Variants in NCAPH observed in about 807,000 individuals in gnomAD.
NCAPH encodes the protein condensin complex subunit 2.
A neutral mutation model predicts 85.5 loss-of-function variants in NCAPH; 38 were observed. The ratio of observed to expected loss-of-function variants is 0.44; its 90% CI spans 0.34 to 0.58. The LOEUF (loss-of-function observed/expected upper bound fraction) is 0.58, where lower values mean the gene tolerates loss of function less well. Among genes scored for constraint, NCAPH ranks in the 20% least tolerant of loss-of-function variants. The pLI is 0.01. For missense variants in NCAPH, 789 were observed against 916.6 expected (o/e 0.86, Z 1.80); for synonymous variants, 301 against 335.1 (o/e 0.90, Z 1.11).
rs577113925 is a variant in NCAPH at position 96,373,563 on chromosome 2, C to T, written c.*212C>T. ...GTGCTCAACTGATTAAACTTTACTG[C>T]CCTATGGTGACCATCTAGGAGAGGG... On this transcript the variant is annotated 3_prime_UTR_variant, in exon 18 of 18. Coordinates refer to ENST00000240423, the MANE Select transcript of NCAPH (RefSeq NM_015341.5). The T allele has an allele frequency of 2.0e-5, 10 of 510,156 alleles. No individual in the cohort carries two copies. The South Asian group carries it at 2.7e-4, about 14-fold the overall frequency. 31.6% of individuals were successfully genotyped at this position (510,156 alleles called of 1,614,324 possible).
intron 9 of NCAPH, among the ~76,000 whole-genome samples, chr2:96,357,252 C>G (rs562464376): frequency 6.6e-6 from 1 of 152,154 alleles, no homozygotes; most frequent in Non-Finnish European, 1.5e-5. Flanking sequence ...AAGGAGGGAC[C>G]CTGTGATATT....
At chr2:96,361,828 A>ATATATATAT (rs1457258768) in intron 12 of NCAPH, among the ~76,000 whole-genome samples, 1 of 108,022 alleles carries the variant, frequency 9.3e-6, no homozygotes, top group African/African-American at 4.2e-5. Flanking sequence ...ATATATATAT[A>ATATATATAT]TTTTTTTTTT....
intron 9 of NCAPH, among the ~76,000 whole-genome samples, chr2:96,358,659 G>C (rs1037509040): frequency 3.3e-5 from 5 of 152,104 alleles, no homozygotes; most frequent in African/African-American, 4.8e-5. Context: ...TAGTAGAGAC[G>C]GCGTTTCACT....
rs1356867660 is a variant in NCAPH, at chr2:96,342,773, T to C, written c.381T>C (p.Asn127=). 6.2e-7 allele frequency: 1 copy of C among 1,612,334 alleles called. No individual in the cohort carries two copies. Among genetic ancestry groups the C allele is most frequent in the African/African-American group, 1.3e-5 (1 of 74,898 alleles). ...GTTTTCAGAAAATCACTACCAAGAA[T>C]GCTTTTGGTTTGCACTTGATTGATT... ...LSTENKITTK[N]AFGLHLIDFM... Residue 127 remains asparagine (N), a synonymous_variant, in exon 4 of 18, where the codon AAT becomes AAC. Transcript: ENST00000240423.
At chr2:96,348,617 C>G (rs895552893) in intron 6 of NCAPH, among the ~76,000 whole-genome samples, 5 of 152,030 alleles carry the variant, frequency 3.3e-5, no homozygotes, top group Non-Finnish European at 7.4e-5. Flanking sequence ...TTGTTTTTTC[C>G]CCTTCCCAGA....
rs545527379 is a variant in NCAPH at position 96,351,891 on chromosome 2, T to C, written c.781T>C (p.Phe261Leu). 1.2e-6 allele frequency: 2 copies of C among 1,614,130 alleles called. No individual in the cohort carries two copies. The highest frequency in any genetic ancestry group is 4.5e-5 in the East Asian group (2 of 44,880). ...TGATGAGTGCAGCACAGCAGGGGTG[T>C]TTCTGTCCACTCTCCACTGCCAGGA... is the stretch of plus-strand genomic sequence containing the variant. ...SFDECSTAGV[F>L]LSTLHCQDYR... is the part of the protein sequence containing the mutation. The change falls in exon 7 of 18, where the codon TTT (phenylalanine) becomes CTT (leucine). Residue 261 changes from phenylalanine to leucine, a missense_variant. By Grantham distance (22) the Phe-to-Leu change is conservative. Transcript: ENST00000240423.
intron 12 of NCAPH, among the ~76,000 whole-genome samples, chr2:96,363,526 T>C (rs1367462040): frequency 6.6e-6 from 1 of 152,244 alleles, no homozygotes; most frequent in African/African-American, 2.4e-5. Flanking sequence ...CACAGAATTA[T>C]ATTAAAATAT....
intron 15 of NCAPH, 60 bp from the exon 16 acceptor site, chr2:96,368,912 G>T: frequency 6.9e-7 from 1 of 1,452,906 alleles, no homozygotes; most frequent in Admixed American, 2.3e-5. Flanking sequence ...CTTTATTTTT[G>T]TTGCCCTTTC....
In NCAPH at chr2:96,356,208, T is replaced by G. The variant is rs546415245; in HGVS notation, c.1208+1820T>G. Among the ~76,000 whole-genome samples the G allele has an allele frequency of 3.3e-5, 5 of 152,342 alleles. No individual in the cohort carries two copies. The East Asian group carries it at 9.6e-4, about 29-fold the overall frequency. On this transcript the variant is annotated intron_variant, in intron 9 of 17. Transcript: ENST00000240423. ...ACCTAGTACATTAGGCGTGGGAGGCTGCAGTTCTAGTCTCAGATTTTACCC... is the reference window on the plus strand; with the variant it reads ...ACCTAGTACATTAGGCGTGGGAGGCGGCAGTTCTAGTCTCAGATTTTACCC...
chr2:96,354,186 G>T lies in NCAPH; in HGVS notation c.1006G>T (p.Val336Leu). Residue 336 changes from valine to leucine, a missense_variant, in exon 9 of 18, where the codon GTG (valine) becomes TTG (leucine). Transcript: ENST00000240423. The part of the protein sequence containing the change: ...QWDSETHNES[V>L]SALVDKFKKN... ...GAACCCTCTTTTGTCCCTCCAGTCT[G>T]TGTCGGCCCTGGTAGACAAGTTTAA... 1 of 1,613,424 alleles carries T rather than the reference G, an allele frequency of 6.2e-7. No homozygotes were observed. The highest frequency in any genetic ancestry group is 2.2e-5 in the East Asian group (1 of 44,800).
chr2:96,346,249 G>A (rs893723583), intron 6 of NCAPH, among the ~76,000 whole-genome samples: 1 of 152,102 alleles, frequency 6.6e-6, no homozygotes, highest in Non-Finnish European at 1.5e-5. Context: ...GATAGGGAAG[G>A]AAGGCACTGG....
At position 96,351,960 on chromosome 2, in the gene NCAPH, T is replaced by C. The variant is rs150899915; in HGVS notation, c.850T>C (p.Ser284Pro). The change falls in exon 7 of 18, where the codon TCC becomes CCC. Residue 284 changes from serine (S) to proline (P), a missense_variant. Coordinates refer to ENST00000240423, the MANE Select transcript of NCAPH (RefSeq NM_015341.5). ...GTTTCCCTCTGATGTCCAGACTCTC[T>C]CCACGGGAGAACCTCTCGAGTTGCC... ...LLFPSDVQTL[S>P]TGEPLELPEL... 3.7e-6 allele frequency: 6 copies of C among 1,614,178 alleles called. No individual in the cohort carries two copies. Among genetic ancestry groups the C allele is most frequent in the Non-Finnish European group, 5.1e-6 (6 of 1,180,022 alleles).
chr2:96,343,395 A>G lies in NCAPH; in HGVS notation c.595+91A>G, dbSNP rs1321559647. On this transcript the variant is annotated intron_variant, in intron 5 of 17. Transcript: ENST00000240423. ...ATATACTAGAAGAAGGTCACAAGAA[A>G]TAAGTGATCTCATTTTATTGAAGAC... is the stretch of plus-strand genomic sequence containing the variant. 6.3e-6 allele frequency: 9 copies of G among 1,425,782 alleles called. No homozygotes were observed. Among genetic ancestry groups the G allele is most frequent in the Non-Finnish European group, 6.5e-6 (7 of 1,073,372 alleles). 88.3% of individuals were successfully genotyped at this position (1,425,782 alleles called of 1,614,324 possible). A position where few individuals can be genotyped will look rare whatever the true frequency, so the allele number is the denominator to read the frequency against.
Position 96,341,949 on chromosome 2 carries a change from G to A in NCAPH, c.272+55G>A, listed in dbSNP as rs72937692. 79 of 1,604,980 alleles carry A rather than the reference G, an allele frequency of 4.9e-5. 1 individual carries two copies. The highest frequency in any genetic ancestry group is 3.3e-4 in the Middle Eastern group (2 of 6,046). Reference sequence around the variant, plus strand: ...AGGCAGCCGCCTTGATATGGGCTGCGTAGGTCCAGGCATCTCCACAAAACT... The same window carrying A: ...AGGCAGCCGCCTTGATATGGGCTGCATAGGTCCAGGCATCTCCACAAAACT... On this transcript the variant is annotated intron_variant, in intron 2 of 17. Coordinates refer to ENST00000240423, the MANE Select transcript of NCAPH (RefSeq NM_015341.5).
chr2:96,366,171 G>A, intron 14 of NCAPH, 113 bp downstream of exon 14: 1 of 1,218,022 alleles, frequency 8.2e-7, no homozygotes, highest in Non-Finnish European at 1.1e-6. Flanking sequence ...GTTTTAACCT[G>A]TTGCTCTCCA....
chr2:96,362,120 C>CT lies in NCAPH; in HGVS notation c.1587+1419dup, dbSNP rs34523804. 4.7e-5 allele frequency among the ~76,000 whole-genome samples: 7 copies of CT among 150,410 alleles called. No homozygotes were observed. The East Asian group carries it at 5.8e-4, about 13-fold the overall frequency. ...TATTGTTTACTTCAATAGAAATACTCTTTTTTTTTCAGTCCTAGCTACTTG... is the reference window on the plus strand; with the variant it reads ...TATTGTTTACTTCAATAGAAATACTCTTTTTTTTTTCAGTCCTAGCTACTTG... On this transcript the variant is annotated intron_variant, in intron 12 of 17. Coordinates refer to ENST00000240423, the MANE Select transcript of NCAPH (RefSeq NM_015341.5).
At position 96,343,066 on chromosome 2, in the gene NCAPH, C is replaced by G. The variant is rs1000126442; in HGVS notation, c.457-100C>G. 5 of 1,502,622 alleles carry G rather than the reference C, an allele frequency of 3.3e-6. No homozygotes were observed. The African/African-American group carries it at 5.5e-5, about 17-fold the overall frequency. 93.1% of individuals were successfully genotyped at this position (1,502,622 alleles called of 1,614,324 possible). On this transcript the variant is annotated intron_variant, in intron 4 of 17. Coordinates refer to ENST00000240423, the MANE Select transcript of NCAPH (RefSeq NM_015341.5). ...ATAGAGGGATCTTTGTCATTGCTTCCTTGGGGCAAGTAAATATTTTGTGAA... is the reference window on the plus strand; with the variant it reads ...ATAGAGGGATCTTTGTCATTGCTTCGTTGGGGCAAGTAAATATTTTGTGAA...
chr2:96,359,193 C>G lies in NCAPH; in HGVS notation c.1357C>G (p.Gln453Glu). The G allele has an allele frequency of 1.9e-6, 3 of 1,613,660 alleles. No individual in the cohort carries two copies. Among genetic ancestry groups the G allele is most frequent in the South Asian group, 1.1e-5 (1 of 91,028 alleles). Reference protein sequence around the residue: ...DHWRFRPRRKQDAPSQSENKK... With the variant: ...DHWRFRPRRKEDAPSQSENKK... Reference sequence around the variant, plus strand: ...CTGGCGCTTTAGGCCTCGACGCAAACGTATGTAATTCTAGGTGGAATTTTA... The same window carrying G: ...CTGGCGCTTTAGGCCTCGACGCAAAGGTATGTAATTCTAGGTGGAATTTTA... The change falls in exon 10 of 18, where the codon CAA becomes GAA. Residue 453 changes from glutamine to glutamate, a missense_variant and splice_region_variant. Coordinates refer to ENST00000240423, the MANE Select transcript of NCAPH (RefSeq NM_015341.5).
At position 96,373,419 on chromosome 2, in the gene NCAPH, C is replaced by T. The variant is rs550147117; in HGVS notation, c.*68C>T. 73 of 1,476,680 alleles carry T rather than the reference C, an allele frequency of 4.9e-5. No individual in the cohort carries two copies. The Middle Eastern group carries it at 8.7e-4, about 18-fold the overall frequency. The allele number at this position is 1,476,680 out of a possible 1,614,324, so 91.5% of individuals were successfully genotyped here. On this transcript the variant is annotated 3_prime_UTR_variant, in exon 18 of 18. Transcript: ENST00000240423. ...TCAGTTGCCGGGACATCCCCAGTCT[C>T]GGGGGAAGAAGATGCCATGGGCTTA...
Sources: gnomAD v4.1 joint callset for allele counts (sites outside exome capture counted in the v4.1 genomes callset) on GRCh38, gnomAD v4.1.1 for gene constraint, MANE v1.5 for transcripts, NCBI Gene and HGNC (gene_info 2026-07-23, HGNC 2026-07-21) for gene names.